Variants in STK32B observed in about 807,000 individuals in gnomAD.
The protein encoded by STK32B is serine/threonine-protein kinase 32B.
A neutral mutation model predicts 52.6 loss-of-function variants in STK32B; 43 were observed. The ratio of observed to expected loss-of-function variants is 0.82; its 90% confidence interval spans 0.64 to 1.05. STK32B has a LOEUF of 1.05. Ranked by LOEUF, STK32B falls within the 50% of genes least tolerant of loss-of-function variation. The probability of loss-of-function intolerance (pLI) is 0.00; values close to 1 mark genes in which losing one functional copy is unlikely to be tolerated. For missense variants in STK32B, 621 were observed against 534.6 expected (o/e 1.16, Z -1.59); for synonymous variants, 238 against 204.3 (o/e 1.17, Z -1.41).
chr4:5,272,429 G>A (rs1298233699), intron 3 of STK32B, among the ~76,000 whole-genome samples: 5 of 140,810 alleles, frequency 3.6e-5, no homozygotes, highest in Admixed American at 7.1e-5. Context: ...GAGGATTTTT[G>A]CATCAATGTT....
intron 4 of STK32B, among the ~76,000 whole-genome samples, chr4:5,342,937 C>T (rs112075673): frequency 0.021 from 3,234 of 152,250 alleles, 111 homozygotes; most frequent in African/African-American, 0.072. Context: ...CCTAGAACTT[C>T]TCTGACCAAA....
chr4:5,028,645 A>T, the STK32B span, among the ~76,000 whole-genome samples: 1 of 152,208 alleles, frequency 6.6e-6, no homozygotes, highest in African/African-American at 2.4e-5. Context: ...TTGATGCTCT[A>T]TCAGCCTCAA....
At chr4:5,215,889 A>G (rs1447174405) in intron 3 of STK32B, among the ~76,000 whole-genome samples, 2 of 152,124 alleles carry the variant, frequency 1.3e-5, no homozygotes, top group African/African-American at 2.4e-5. Flanking sequence ...GACCTCCACA[A>G]TTAGGTGCCT....
intron 1 of STK32B, among the ~76,000 whole-genome samples, chr4:5,063,468 G>A (rs1249951179): frequency 5.3e-5 from 8 of 151,814 alleles, no homozygotes; most frequent in African/African-American, 1.7e-4. Context: ...TCATCCTCCC[G>A]AGTAGCTGGG....
At chr4:5,284,153 CTTAAA>C (rs2108874473) in intron 3 of STK32B, among the ~76,000 whole-genome samples, 1 of 152,196 alleles carries the variant, frequency 6.6e-6, no homozygotes, top group African/African-American at 2.4e-5. Flanking sequence ...TTTTTATCAT[CTTAAA>C]TTAGGTTGTT....
At chr4:5,186,205 G>C (rs116989590) in intron 3 of STK32B, among the ~76,000 whole-genome samples, 1 of 152,178 alleles carries the variant, frequency 6.6e-6, no homozygotes, top group South Asian at 2.1e-4. Context: ...AGCCCTCCTC[G>C]GGACACCAGC....
At chr4:5,096,747 C>T (rs1021968892) in intron 1 of STK32B, among the ~76,000 whole-genome samples, 1 of 152,172 alleles carries the variant, frequency 6.6e-6, no homozygotes, top group Admixed American at 6.5e-5. Flanking sequence ...CATTTGTCAG[C>T]CCACATTCAG....
intron 11 of STK32B, among the ~76,000 whole-genome samples, chr4:5,487,414 TATG>T (rs1191619744): frequency 6.6e-6 from 1 of 152,190 alleles, no homozygotes; most frequent in Non-Finnish European, 1.5e-5. Context: ...ACAATTATAA[TATG>T]ATAAATGATT....
chr4:5,040,013 A>G, the STK32B span, among the ~76,000 whole-genome samples: 1 of 151,792 alleles, frequency 6.6e-6, no homozygotes, highest in Admixed American at 6.6e-5. Flanking sequence ...TTGCTCTGCT[A>G]CTCCCTGGAG....
Position 5,196,474 on chromosome 4 carries a change from G to A in STK32B, c.260+28024G>A, listed in dbSNP as rs563645620. 2.8e-4 allele frequency among the ~76,000 whole-genome samples: 42 copies of A among 150,754 alleles called. No homozygotes were observed. The East Asian group carries it at 7.9e-3, about 28-fold the overall frequency. ...GCAGTGGCTGACGCCTATAATCCCAGCACTTTAGGAGGCCACGGTGCGTAG... is the reference window on the plus strand; with the variant it reads ...GCAGTGGCTGACGCCTATAATCCCAACACTTTAGGAGGCCACGGTGCGTAG... On this transcript the variant is annotated intron_variant, in intron 3 of 11. Transcript: ENST00000282908.
chr4:5,372,027 G>T (rs1204543208), intron 4 of STK32B, among the ~76,000 whole-genome samples: 1 of 152,210 alleles, frequency 6.6e-6, no homozygotes, highest in African/African-American at 2.4e-5. Context: ...CAGGATGTGG[G>T]CTGCATTGGT....
At chr4:5,336,910 G>A (rs1448405780) in intron 4 of STK32B, among the ~76,000 whole-genome samples, 1 of 152,194 alleles carries the variant, frequency 6.6e-6, no homozygotes, top group East Asian at 1.9e-4. Flanking sequence ...GATCTGATAA[G>A]CTTCCAGAGA....
intron 3 of STK32B, among the ~76,000 whole-genome samples, chr4:5,216,830 A>G (rs780232273): frequency 2.6e-5 from 4 of 152,188 alleles, no homozygotes; most frequent in Non-Finnish European, 5.9e-5. Context: ...TGATATGAAC[A>G]GATTTGTTAG....
intron 3 of STK32B, among the ~76,000 whole-genome samples, chr4:5,189,210 C>A (rs998783892): frequency 1.8e-4 from 28 of 152,132 alleles, no homozygotes; most frequent in African/African-American, 6.0e-4. Context: ...TGGTGTTATA[C>A]ATTCTGTAGG....
intron 1 of STK32B, among the ~76,000 whole-genome samples, chr4:5,069,248 A>C (rs956861820): frequency 1.4e-5 from 2 of 144,002 alleles, no homozygotes; most frequent in African/African-American, 5.2e-5. Flanking sequence ...GCTGGGGTAC[A>C]GTGGCACAAT....
intron 3 of STK32B, among the ~76,000 whole-genome samples, chr4:5,302,209 TAAAA>T (rs202157359): frequency 7.2e-6 from 1 of 138,654 alleles, no homozygotes; most frequent in Non-Finnish European, 1.5e-5. Context: ...ACAAAAATTG[TAAAA>T]AAAAAAATCA....
intron 1 of STK32B, among the ~76,000 whole-genome samples, chr4:5,089,888 CTT>C (rs1712965640): frequency 6.6e-6 from 1 of 152,166 alleles, no homozygotes. Flanking sequence ...TGTTTCCTGA[CTT>C]TTTAATAATC....
At chr4:5,444,496 C>T (rs1214332133) in intron 6 of STK32B, among the ~76,000 whole-genome samples, 3 of 152,208 alleles carry the variant, frequency 2.0e-5, no homozygotes, top group African/African-American at 4.8e-5. Flanking sequence ...CCTGCGCCCA[C>T]TGTCTGGCAC....
rs1315881487 is a variant in STK32B, at chr4:5,100,327, C to A, written c.53-39578C>A. Among the ~76,000 whole-genome samples, 47 of 131,456 alleles carry A rather than the reference C, an allele frequency of 3.6e-4. 3 individuals carry two copies. Among genetic ancestry groups the A allele is most frequent in the Admixed American group, 7.5e-5 (1 of 13,316 alleles). 86.2% of individuals were successfully genotyped at this position (131,456 alleles called of 152,430 possible). ...ACAAGGTTACCCCTCCCTCCCTTCT[C>A]CCTCCCTCCCTCCCTTCCTTCCTTC... On this transcript the variant is annotated intron_variant, in intron 1 of 11. Coordinates refer to ENST00000282908, the MANE Select transcript of STK32B (RefSeq NM_018401.3).
Sources: gnomAD v4.1 joint callset for allele counts (sites outside exome capture counted in the v4.1 genomes callset) on GRCh38, gnomAD v4.1.1 for gene constraint, MANE v1.5 for transcripts, NCBI Gene and HGNC (gene_info 2026-07-23, HGNC 2026-07-21) for gene names.